SLC41A2: variants seen among roughly 807,000 people sequenced by gnomAD.
The protein encoded by SLC41A2 is solute carrier family 41 member 2.
Under a neutral mutation model 58.3 loss-of-function variants are expected in SLC41A2, and 32 were observed. The observed-to-expected ratio is 0.55, with a 90% CI of 0.41 to 0.74. The LOEUF (loss-of-function observed/expected upper bound fraction) is 0.74, where lower values mean the gene tolerates loss of function less well. Among genes scored for constraint, SLC41A2 ranks in the 30% least tolerant of loss-of-function variants. The pLI is 0.00. For missense variants in SLC41A2, 514 were observed against 680.6 expected, an observed-to-expected ratio of 0.76 and a Z score of 2.72; for synonymous variants, 190 against 235.0, an observed-to-expected ratio of 0.81 and a Z score of 1.75.
chr12:104,902,221 T>G (rs948813397), intron 3 of SLC41A2, among the ~76,000 whole-genome samples: 2 of 152,086 alleles, frequency 1.3e-5, no homozygotes, highest in Non-Finnish European at 2.9e-5. Flanking sequence ...CCTGGAACCA[T>G]TGAGTACAGT....
intron 8 of SLC41A2, among the ~76,000 whole-genome samples, chr12:104,859,794 G>A (rs952914305): frequency 7.9e-5 from 12 of 151,986 alleles, no homozygotes; most frequent in East Asian, 3.9e-4. Context: ...GTGCAGTAGC[G>A]TGATCTTGGC....
At chr12:104,826,249 G>A (rs1487228617) in intron 10 of SLC41A2, among the ~76,000 whole-genome samples, 1 of 152,100 alleles carries the variant, frequency 6.6e-6, no homozygotes, top group African/African-American at 2.4e-5. Flanking sequence ...ACAAAGGTTT[G>A]GCCAAATTAT....
At chr12:104,913,325 C>T (rs1255783212) in intron 2 of SLC41A2, among the ~76,000 whole-genome samples, 1 of 152,126 alleles carries the variant, frequency 6.6e-6, no homozygotes, top group Non-Finnish European at 1.5e-5. Context: ...ACCCCTTTAC[C>T]CTTGTTAACT....
At chr12:104,844,646 T>G (rs899662653) in intron 9 of SLC41A2, 26 bp from the exon 10 acceptor site, 1 of 1,339,316 alleles carries the variant, frequency 7.5e-7, no homozygotes, top group Non-Finnish European at 9.9e-7. Context: ...TAAAAGTAAT[T>G]AAAACAAAAT....
At chr12:104,877,307 G>T (rs7299019) in intron 6 of SLC41A2, among the ~76,000 whole-genome samples, 25,329 of 152,102 alleles carry the variant, frequency 0.17, 3,782 homozygotes, top group African/African-American at 0.4. Context: ...CCCCTAGTGC[G>T]CACAGAGCAG....
intron 6 of SLC41A2, among the ~76,000 whole-genome samples, chr12:104,886,074 T>C (rs1176122493): frequency 1.3e-5 from 2 of 150,524 alleles, no homozygotes; most frequent in Non-Finnish European, 3.0e-5. Context: ...AAATTAGAGA[T>C]GATAATCCTT....
intron 4 of SLC41A2, among the ~76,000 whole-genome samples, chr12:104,891,043 G>T (rs1193728035): frequency 6.6e-6 from 1 of 152,120 alleles, no homozygotes; most frequent in Non-Finnish European, 1.5e-5. Flanking sequence ...GTTAGCAGAA[G>T]AAGCCTCAGG....
At chr12:104,915,376 G>C (rs1049858884) in intron 2 of SLC41A2, among the ~76,000 whole-genome samples, 2 of 152,104 alleles carry the variant, frequency 1.3e-5, no homozygotes, top group Non-Finnish European at 2.9e-5. Context: ...CCATTTTCAC[G>C]ATATTGATTC....
At chr12:104,837,303 A>C (rs1351620989) in intron 10 of SLC41A2, among the ~76,000 whole-genome samples, 1 of 152,116 alleles carries the variant, frequency 6.6e-6, no homozygotes, top group Non-Finnish European at 1.5e-5. Context: ...TGAAATACAG[A>C]GTCTATGGGA....
intron 6 of SLC41A2, among the ~76,000 whole-genome samples, chr12:104,868,274 T>C (rs796324333): frequency 3.9e-5 from 6 of 152,208 alleles, no homozygotes; most frequent in African/African-American, 1.4e-4. Flanking sequence ...TAGAACGAAA[T>C]AGAAAACAAA....
intron 3 of SLC41A2, among the ~76,000 whole-genome samples, chr12:104,897,718 AAAAGT>A (rs919406605): frequency 2.0e-5 from 3 of 152,154 alleles, no homozygotes; most frequent in African/African-American, 7.2e-5. Context: ...AATTTTTTTA[AAAAGT>A]AAAGAGAAAT....
At chr12:104,955,647 A>G (rs143351482) in intron 1 of SLC41A2, among the ~76,000 whole-genome samples, 1,676 of 151,746 alleles carry the variant, frequency 0.011, 33 homozygotes, top group African/African-American at 0.038. Context: ...TTTTTTTACC[A>G]CATTTTAACA....
At chr12:104,919,623 T>G (rs569108502) in intron 2 of SLC41A2, among the ~76,000 whole-genome samples, 1 of 152,348 alleles carries the variant, frequency 6.6e-6, no homozygotes, top group East Asian at 1.9e-4. Flanking sequence ...TTTCATGTGT[T>G]TATCTGCCAT....
At chr12:104,913,960 G>T (rs2046199624) in intron 2 of SLC41A2, among the ~76,000 whole-genome samples, 1 of 152,164 alleles carries the variant, frequency 6.6e-6, no homozygotes, top group Non-Finnish European at 1.5e-5. Context: ...TCCTTAGGAG[G>T]CCGAGGCAGG....
chr12:104,940,934 CAAA>C (rs386377636), intron 1 of SLC41A2, among the ~76,000 whole-genome samples: 11 of 95,536 alleles, frequency 1.2e-4, no homozygotes, highest in African/African-American at 3.3e-4. Context: ...GACTCTGCCT[CAAA>C]AAAAAAAAAA....
At chr12:104,923,374 A>C (rs1191449975) in intron 2 of SLC41A2, among the ~76,000 whole-genome samples, 1 of 149,740 alleles carries the variant, frequency 6.7e-6, no homozygotes, top group Non-Finnish European at 1.5e-5. Flanking sequence ...AAAAAAAAAA[A>C]AAAATAGAAA....
At chr12:104,834,184 AAAG>A (rs2042132761) in intron 10 of SLC41A2, 6 of 985,346 alleles carry the variant, frequency 6.1e-6, no homozygotes, top group African/African-American at 5.2e-5. Context: ...ATACCTATCT[AAAG>A]AATTAACCAT....
chr12:104,838,152 CCT>C (rs1457290095), intron 10 of SLC41A2, among the ~76,000 whole-genome samples: 2 of 152,166 alleles, frequency 1.3e-5, no homozygotes, highest in African/African-American at 2.4e-5. Flanking sequence ...TGTCAATGCT[CCT>C]TTTGGTAAGT....
chr12:104,821,863 CT>C (rs758619820), intron 10 of SLC41A2, among the ~76,000 whole-genome samples: 9 of 152,156 alleles, frequency 5.9e-5, no homozygotes, highest in Non-Finnish European at 1.3e-4. Flanking sequence ...TGTTATTATT[CT>C]TTATACCTTA....
Sources: gnomAD v4.1 joint callset for allele counts (sites outside exome capture counted in the v4.1 genomes callset) on GRCh38, gnomAD v4.1.1 for gene constraint, MANE v1.5 for transcripts, NCBI Gene and HGNC (gene_info 2026-07-23, HGNC 2026-07-21) for gene names.